INPP5A: variants seen among roughly 807,000 people sequenced by gnomAD.
INPP5A encodes the protein 43 kDa inositol polyphosphate 5-phophatase.
Under a neutral mutation model 65.2 loss-of-function variants are expected in INPP5A, and 14 were observed. The ratio of observed to expected loss-of-function variants is 0.21; its 90% confidence interval spans 0.14 to 0.34. The LOEUF is 0.34. INPP5A is among the 10% of genes least tolerant of loss of function. The probability of loss-of-function intolerance (pLI) is 1.00; values close to 1 mark genes in which losing one functional copy is unlikely to be tolerated. For synonymous variants in INPP5A, 207 were observed against 208.3 expected, an observed-to-expected ratio of 0.99 and a Z score of 0.05; for missense variants, 431 against 545.6, an observed-to-expected ratio of 0.79 and a Z score of 2.09.
intron 4 of INPP5A, among the ~76,000 whole-genome samples, chr10:132,671,275 T>G (rs2072886350): frequency 6.6e-6 from 1 of 152,058 alleles, no homozygotes; most frequent in African/African-American, 2.4e-5. Flanking sequence ...GAGGCACAGA[T>G]GACTTAGGAG....
chr10:132,546,333 C>T lies in INPP5A; in HGVS notation c.75+8162C>T, dbSNP rs2070971165. On this transcript the variant is annotated intron_variant, in intron 1 of 15. Transcript: ENST00000368594. This position sits in a 1 kb window ranked among gnomAD's most constrained non-coding sequence, Gnocchi z 5.7. Reference sequence around the variant, plus strand: ...GCCGCTCCAGGTTCAGAAGATGCCGCTTCTGGTTTTTCCCCGTTGTGAGTG... The same window carrying T: ...GCCGCTCCAGGTTCAGAAGATGCCGTTTCTGGTTTTTCCCCGTTGTGAGTG... Among the ~76,000 whole-genome samples, 1 of 152,180 alleles carries T rather than the reference C, an allele frequency of 6.6e-6. No individual in the cohort carries two copies. The highest frequency in any genetic ancestry group is 2.4e-5 in the African/African-American group (1 of 41,446).
intron 1 of INPP5A, among the ~76,000 whole-genome samples, chr10:132,599,782 C>G (rs977120251): frequency 1.3e-5 from 2 of 152,246 alleles, no homozygotes; most frequent in Non-Finnish European, 2.9e-5. Context: ...TGGAGGTTCC[C>G]AAACCTCAGT....
Position 132,765,805 on chromosome 10 carries a change from T to C in INPP5A, c.936T>C (p.Phe312=). 6.2e-7 allele frequency: 1 copy of C among 1,606,930 alleles called. No homozygotes were observed. The highest frequency in any genetic ancestry group is 1.1e-5 in the South Asian group (1 of 90,934). ...AGTTTGACAAGGAGTTGTCTGTCTT[T>C]AAGGACAGACTGTATGAACTGGACA... The part of the protein sequence containing the change: ...LLEFDKELSV[F]KDRLYELDIS... The change falls in exon 12 of 16, where the codon TTT becomes TTC. Residue 312 remains phenylalanine, a synonymous_variant. Transcript: ENST00000368594.
At chr10:132,743,837 GCCGGCCC>G (rs1450020210) in intron 9 of INPP5A, among the ~76,000 whole-genome samples, 1 of 152,158 alleles carries the variant, frequency 6.6e-6, no homozygotes, top group Non-Finnish European at 1.5e-5. Flanking sequence ...ACCCTCCAAG[GCCGGCCC>G]CGGGGCTCAG....
In INPP5A at chr10:132,698,973, C is replaced by A. The variant is rs1020799313; in HGVS notation, c.474+1054C>A. On this transcript the variant is annotated intron_variant, in intron 6 of 15. Coordinates refer to ENST00000368594, the MANE Select transcript of INPP5A (RefSeq NM_005539.5). The surrounding 1 kb of genome is among the most constrained non-coding windows in gnomAD (Gnocchi z 5.5). ...CACCCTGTGGCTCGGCCTCCTCATC[C>A]GTCTTCCCAAGGCCAAGGACGCCGT... 6.6e-6 allele frequency among the ~76,000 whole-genome samples: 1 copy of A among 152,248 alleles called. No homozygotes were observed.
At chr10:132,577,255 T>G (rs539255611) in intron 1 of INPP5A, among the ~76,000 whole-genome samples, 15 of 152,220 alleles carry the variant, frequency 9.9e-5, no homozygotes, top group Non-Finnish European at 1.6e-4. Context: ...GTGCATCACG[T>G]TCTGTTGCAG....
chr10:132,755,041 G>A (rs553804705), intron 11 of INPP5A, among the ~76,000 whole-genome samples: 2 of 151,612 alleles, frequency 1.3e-5, no homozygotes, highest in African/African-American at 2.4e-5. Context: ...GTGTGTGATC[G>A]TATGCATGTG....
Position 132,688,872 on chromosome 10 carries a change from A to G in INPP5A, c.307-1520A>G, listed in dbSNP as rs906262677. 2.6e-5 allele frequency among the ~76,000 whole-genome samples: 4 copies of G among 151,214 alleles called. No individual in the cohort carries two copies. In the East Asian group the frequency reaches 7.8e-4, roughly 29 times the overall value. On this transcript the variant is annotated intron_variant, in intron 4 of 15. Coordinates refer to ENST00000368594, the MANE Select transcript of INPP5A (RefSeq NM_005539.5). ...AGTGCGTGTGTGCATGAGTTAGTGC[A>G]TGAGTGTATGAGTGCAAGTGGGAGA...
At chr10:132,548,024 T>G (rs1207294387) in intron 1 of INPP5A, among the ~76,000 whole-genome samples, 1 of 152,040 alleles carries the variant, frequency 6.6e-6, no homozygotes, top group African/African-American at 2.4e-5. Context: ...CTCAGCCCCC[T>G]TAGTAGCTGG....
chr10:132,580,741 T>C (rs758372755), intron 1 of INPP5A, among the ~76,000 whole-genome samples: 5 of 152,276 alleles, frequency 3.3e-5, no homozygotes, highest in Non-Finnish European at 7.3e-5. Flanking sequence ...CTATCATTAA[T>C]GTTTTACTCT....
chr10:132,542,491 C>CT (rs1465279511), intron 1 of INPP5A, among the ~76,000 whole-genome samples: 2 of 152,210 alleles, frequency 1.3e-5, no homozygotes, highest in Non-Finnish European at 2.9e-5. Flanking sequence ...ACCAAAGGTA[C>CT]TGCCCTCTCT....
chr10:132,586,600 C>T (rs894111372), intron 1 of INPP5A, among the ~76,000 whole-genome samples: 2 of 152,168 alleles, frequency 1.3e-5, no homozygotes, highest in African/African-American at 2.4e-5. Context: ...GAAGGGTGGC[C>T]GGTGACGACG....
At chr10:132,738,849 G>A (rs1846224395) in intron 9 of INPP5A, among the ~76,000 whole-genome samples, 1 of 152,214 alleles carries the variant, frequency 6.6e-6, no homozygotes, top group South Asian at 2.1e-4. Context: ...CTGCATTTCT[G>A]CACCCCATAA....
chr10:132,652,527 G>A (rs2072590928), intron 4 of INPP5A, among the ~76,000 whole-genome samples: 1 of 152,244 alleles, frequency 6.6e-6, no homozygotes, highest in Non-Finnish European at 1.5e-5. Context: ...CTGAAAGCAA[G>A]TTACATGAAG....
At chr10:132,743,054 G>A (rs769400888) in intron 9 of INPP5A, among the ~76,000 whole-genome samples, 3 of 152,244 alleles carry the variant, frequency 2.0e-5, no homozygotes, top group Non-Finnish European at 2.9e-5. Flanking sequence ...GAAGTTGTCA[G>A]CAGGATAAAA....
At chr10:132,774,009 G>A (rs566112400) in intron 12 of INPP5A, among the ~76,000 whole-genome samples, 13 of 152,302 alleles carry the variant, frequency 8.5e-5, no homozygotes, top group Admixed American at 1.3e-4. Flanking sequence ...TGATCCTCCC[G>A]CCTCAGCTTC....
rs1845356342 is a variant in INPP5A, at chr10:132,697,070, G to A, written c.371-746G>A. ...CCAGGAACCTCGTTGACACCCAGGAGTGTCACCTCAGTGGCCCAGGAGCCA... is the reference window on the plus strand; with the variant it reads ...CCAGGAACCTCGTTGACACCCAGGAATGTCACCTCAGTGGCCCAGGAGCCA... On this transcript the variant is annotated intron_variant, in intron 5 of 15. Transcript: ENST00000368594. The surrounding 1 kb of genome is among the most constrained non-coding windows in gnomAD (Gnocchi z 5.6). Among the ~76,000 whole-genome samples the A allele has an allele frequency of 6.6e-6, 1 of 152,264 alleles. No individual in the cohort carries two copies. The highest frequency in any genetic ancestry group is 1.5e-5 in the Non-Finnish European group (1 of 68,042).
At chr10:132,774,495 G>A (rs1213334541) in intron 12 of INPP5A, among the ~76,000 whole-genome samples, 4 of 152,218 alleles carry the variant, frequency 2.6e-5, no homozygotes, top group Non-Finnish European at 4.4e-5. Flanking sequence ...AACTGTCGCC[G>A]TTCACTTGTG....
In INPP5A at chr10:132,698,700, C is replaced by T. The variant is rs1018897134; in HGVS notation, c.474+781C>T. Among the ~76,000 whole-genome samples the T allele has an allele frequency of 1.3e-5, 2 of 152,172 alleles. No homozygotes were observed. The highest frequency in any genetic ancestry group is 2.4e-5 in the African/African-American group (1 of 41,432). On this transcript the variant is annotated intron_variant, in intron 6 of 15. Transcript: ENST00000368594. The surrounding 1 kb of genome is among the most constrained non-coding windows in gnomAD (Gnocchi z 5.5). ...GCCAGAAGCAGCCCAGGCACTGAGACGGAAGAGCTGGCAGCTGGACGCAGG... is the reference window on the plus strand; with the variant it reads ...GCCAGAAGCAGCCCAGGCACTGAGATGGAAGAGCTGGCAGCTGGACGCAGG...
Sources: gnomAD v4.1 joint callset for allele counts (sites outside exome capture counted in the v4.1 genomes callset) on GRCh38, gnomAD v4.1.1 for gene constraint, Gnocchi (gnomAD v3.1) non-coding constraint, MANE v1.5 for transcripts, NCBI Gene and HGNC (gene_info 2026-07-23, HGNC 2026-07-21) for gene names.